ZFYVE28: variants seen among roughly 807,000 people sequenced by gnomAD.
ZFYVE28 encodes zinc finger FYVE-type containing 28.
In ZFYVE28, 40 loss-of-function variants were observed where a neutral mutation model predicts 82.1. The ratio of observed to expected loss-of-function variants is 0.49; its 90% CI spans 0.38 to 0.63. The LOEUF is 0.63. ZFYVE28 is among the 30% of genes least tolerant of loss of function. ZFYVE28 has a pLI of 0.00. For synonymous variants in ZFYVE28, 612 were observed against 546.1 expected (o/e 1.12, Z -1.68); for missense variants, 1,321 against 1,242.1 (o/e 1.06, Z -0.96).
chr4:2,346,055 G>A (rs1338766424), intron 2 of ZFYVE28, among the ~76,000 whole-genome samples: 2 of 151,990 alleles, frequency 1.3e-5, no homozygotes, highest in African/African-American at 4.8e-5. Flanking sequence ...TTGGCCAGGG[G>A]CGGTGGCTCA....
Position 2,304,426 on chromosome 4 carries a change from G to C in ZFYVE28, c.1914C>G (p.Thr638=), listed in dbSNP as rs373226043. 6.2e-7 allele frequency: 1 copy of C among 1,613,652 alleles called. No individual in the cohort carries two copies. Among genetic ancestry groups the C allele is most frequent in the Non-Finnish European group, 8.5e-7 (1 of 1,180,014 alleles). Reference sequence around the variant, plus strand: ...TCGCTGTGTCCACCTGGGAACCTGAGGTGTGAGGCAGGCACTTGTCGGAAG... The same window carrying C: ...TCGCTGTGTCCACCTGGGAACCTGACGTGTGAGGCAGGCACTTGTCGGAAG... ...APTSDKCLPH[T]SGSQVDTASG... is the part of the protein sequence containing the mutation. Residue 638 remains threonine (T), a synonymous_variant, in exon 8 of 13, where the codon ACC becomes ACG. Coordinates refer to ENST00000290974, the MANE Select transcript of ZFYVE28 (RefSeq NM_020972.3).
chr4:2,405,917 C>T (rs11248101), intron 1 of ZFYVE28, among the ~76,000 whole-genome samples: 23,824 of 151,568 alleles, frequency 0.16, 2,032 homozygotes, highest in East Asian at 0.33. Flanking sequence ...GGCATGGTGG[C>T]AGGCGCCTGT....
intron 9 of ZFYVE28, among the ~76,000 whole-genome samples, chr4:2,273,744 G>A (rs1359787011): frequency 2.0e-5 from 3 of 152,126 alleles, no homozygotes; most frequent in African/African-American, 7.2e-5. Flanking sequence ...AGCAGCCTAC[G>A]TGGCTGGGAG....
At chr4:2,331,185 G>C (rs1720642756) in intron 6 of ZFYVE28, 1 of 531,686 alleles carries the variant, frequency 1.9e-6, no homozygotes, top group South Asian at 2.4e-5. Flanking sequence ...AGAGGGGCCT[G>C]GGTTCTGCAC....
intron 1 of ZFYVE28, among the ~76,000 whole-genome samples, chr4:2,373,713 G>A (rs570322079): frequency 5.3e-5 from 8 of 152,184 alleles, no homozygotes; most frequent in East Asian, 1.9e-4. Flanking sequence ...CAGAATCTCC[G>A]TTCCCCACGG....
intron 1 of ZFYVE28, among the ~76,000 whole-genome samples, chr4:2,366,272 T>G (rs1322769682): frequency 6.6e-6 from 1 of 152,250 alleles, no homozygotes; most frequent in Non-Finnish European, 1.5e-5. Context: ...TTAAAATGCT[T>G]TTACAGCTGT....
Position 2,337,303 on chromosome 4 carries a change from C to A in ZFYVE28, c.611+104G>T. ...TGGTGCCTTCCATCTGGGGCACTCC[C>A]GAGACACAGCAGGTTCCCCCAGAGC... On this transcript the variant is annotated intron_variant, in intron 5 of 12. Transcript: ENST00000290974. 4 of 1,019,914 alleles carry A rather than the reference C, an allele frequency of 3.9e-6. No homozygotes were observed. In the South Asian group the frequency reaches 7.1e-5, roughly 18 times the overall value. The allele number at this position is 1,019,914 out of a possible 1,614,324, so 63.2% of individuals were successfully genotyped here. A position where few individuals can be genotyped will look rare whatever the true frequency, so the allele number is the denominator to read the frequency against.
At position 2,395,192 on chromosome 4, in the gene ZFYVE28, T is replaced by A. The variant is rs556856423; in HGVS notation, c.39+23093A>T. 1.9e-4 allele frequency among the ~76,000 whole-genome samples: 25 copies of A among 130,700 alleles called. No individual in the cohort carries two copies. In the South Asian group the frequency reaches 6.2e-3, roughly 32 times the overall value. The allele number at this position is 130,700 out of a possible 152,430, so 85.7% of individuals were successfully genotyped here. A position where few individuals can be genotyped will look rare whatever the true frequency, so the allele number is the denominator to read the frequency against. On this transcript the variant is annotated intron_variant, in intron 1 of 12. Coordinates refer to ENST00000290974, the MANE Select transcript of ZFYVE28 (RefSeq NM_020972.3). ...GTACCCTACTGGGGCCTCCCCCATC[T>A]CGGTTCCTTCTGCAGAGCAGACAGT...
chr4:2,269,974 G>C lies in ZFYVE28; in HGVS notation c.*751C>G, dbSNP rs946015352. The C allele has an allele frequency of 6.6e-6, 1 of 152,288 alleles. No homozygotes were observed. The highest frequency in any genetic ancestry group is 2.4e-5 in the African/African-American group (1 of 41,402). 9.4% of individuals were successfully genotyped at this position (152,288 alleles called of 1,614,324 possible). A position where few individuals can be genotyped will look rare whatever the true frequency, so the allele number is the denominator to read the frequency against. ...GGTAGCTGAGCTGGTGGCCCCGGGC[G>C]TCCTGGCTGATTGGTAAACCCGACC... On this transcript the variant is annotated 3_prime_UTR_variant, in exon 13 of 13. Coordinates refer to ENST00000290974, the MANE Select transcript of ZFYVE28 (RefSeq NM_020972.3).
At chr4:2,273,350 C>T (rs1736089283) in intron 9 of ZFYVE28, 61 bp from the exon 10 acceptor site, 12 of 1,473,866 alleles carry the variant, frequency 8.1e-6, no homozygotes, top group East Asian at 2.3e-5. Flanking sequence ...CTGCGGAGGT[C>T]GGTGCTGCGG....
In ZFYVE28 at chr4:2,364,575, T is replaced by A. The variant is rs1005616001; in HGVS notation, c.40-10502A>T. 1.2e-4 allele frequency: 119 copies of A among 985,450 alleles called. 1 individual carries two copies. The highest frequency in any genetic ancestry group is 1.4e-4 in the Non-Finnish European group (116 of 830,024). The allele number at this position is 985,450 out of a possible 1,614,324, so 61.0% of individuals were successfully genotyped here. ...GGAAGGGAATTTAGACGGTCGGCAC[T>A]GGGCACAGACGCCCGGGTGGGCTCC... On this transcript the variant is annotated intron_variant, in intron 1 of 12. Transcript: ENST00000290974.
Position 2,418,166 on chromosome 4 carries a change from G to A in ZFYVE28, c.39+119C>T, listed in dbSNP as rs1049822789. On this transcript the variant is annotated intron_variant, in intron 1 of 12. Transcript: ENST00000290974. The surrounding 1 kb of genome is among the most constrained non-coding windows in gnomAD (Gnocchi z 4.6). The stretch of plus-strand genomic sequence containing the variant: ...GAGTGGAGGGAAGGATGTCGGCGGT[G>A]GGGGAAGAGGCCGGCCACGGACAGG... The A allele has an allele frequency of 1.2e-5, 11 of 891,264 alleles. No individual in the cohort carries two copies. In the East Asian group the frequency reaches 3.9e-4, roughly 31 times the overall value. The allele number at this position is 891,264 out of a possible 1,614,324, so 55.2% of individuals were successfully genotyped here. A position where few individuals can be genotyped will look rare whatever the true frequency, so the allele number is the denominator to read the frequency against.
intron 1 of ZFYVE28, among the ~76,000 whole-genome samples, chr4:2,401,559 CCTT>C (rs1316967364): frequency 7.9e-5 from 12 of 152,176 alleles, no homozygotes; most frequent in Non-Finnish European, 1.6e-4. Flanking sequence ...TCCCCCTCCT[CCTT>C]CTGGCTCTGT....
intron 1 of ZFYVE28, among the ~76,000 whole-genome samples, chr4:2,380,215 C>G (rs537141927): frequency 3.3e-5 from 5 of 152,220 alleles, no homozygotes; most frequent in Non-Finnish European, 1.5e-5. Flanking sequence ...TGGATGCATC[C>G]GGGGTTTTCT....
At chr4:2,391,387 C>G (rs751081988) in intron 1 of ZFYVE28, among the ~76,000 whole-genome samples, 1 of 151,202 alleles carries the variant, frequency 6.6e-6, no homozygotes, top group African/African-American at 2.4e-5. Flanking sequence ...TTTACCTCTA[C>G]GTACATAACA....
intron 2 of ZFYVE28, among the ~76,000 whole-genome samples, chr4:2,350,197 G>A (rs146437801): frequency 0.021 from 3,131 of 152,290 alleles, 99 homozygotes; most frequent in African/African-American, 0.063. Context: ...GGGCGCAGTG[G>A]CTCACGCCTG....
chr4:2,356,455 C>T (rs1405487813), intron 1 of ZFYVE28, among the ~76,000 whole-genome samples: 1 of 134,374 alleles, frequency 7.4e-6, no homozygotes, highest in African/African-American at 2.7e-5. Context: ...GATGTGCCTG[C>T]CCCCCCGGCC....
At chr4:2,310,179 C>A (rs973215606) in intron 7 of ZFYVE28, among the ~76,000 whole-genome samples, 2 of 152,070 alleles carry the variant, frequency 1.3e-5, no homozygotes, top group African/African-American at 4.8e-5. Flanking sequence ...GCTGTCAGTA[C>A]AGATGTGTAC....
At chr4:2,297,497 G>C (rs1404698550) in intron 8 of ZFYVE28, among the ~76,000 whole-genome samples, 1 of 152,220 alleles carries the variant, frequency 6.6e-6, no homozygotes, top group Non-Finnish European at 1.5e-5. Flanking sequence ...CCGGGAGCGA[G>C]GTCATGAAGC....
Sources: allele counts gnomAD v4.1 joint callset (sites outside exome capture counted in the v4.1 genomes callset), GRCh38; gene constraint gnomAD v4.1.1; non-coding constraint Gnocchi (gnomAD v3.1); transcripts MANE v1.5; gene names NCBI Gene and HGNC (gene_info 2026-07-23, HGNC 2026-07-21).